PSD: variants seen among roughly 807,000 people sequenced by gnomAD.
PSD encodes the protein pleckstrin and Sec7 domain containing.
Under a neutral mutation model 91.6 loss-of-function variants are expected in PSD, and 32 were observed. The ratio of observed to expected loss-of-function variants is 0.35; its 90% CI spans 0.26 to 0.47. The LOEUF is 0.47. PSD is among the 20% of genes least tolerant of loss of function. The pLI, the probability that PSD is intolerant of heterozygous loss-of-function variation, is 1.00. For synonymous variants in PSD, 532 were observed against 569.3 expected, an observed-to-expected ratio of 0.93 and a Z score of 0.93; for missense variants, 1,099 against 1,373.9, an observed-to-expected ratio of 0.80 and a Z score of 3.16.
rs2061340049 is a variant in PSD at position 102,404,687 on chromosome 10, C to A, written c.2596G>T (p.Val866Leu). The A allele has an allele frequency of 6.2e-7, 1 of 1,604,056 alleles. No homozygotes were observed. Among genetic ancestry groups the A allele is most frequent in the African/African-American group, 1.3e-5 (1 of 74,806 alleles). ...GGCGCAGAGAACATAGCGGCTACTA[C>A]ATTGATGCGAGTGATCCAGGACTGC... is the stretch of plus-strand genomic sequence containing the variant. ...QMQSWITRIN[V>L]VAAMFSAPPF... Residue 866 changes from valine to leucine, a missense_variant, in exon 15 of 17, where the codon GTA becomes TTA. Physicochemically the swap from Val to Leu is conservative, Grantham distance 32. Around this residue, in one of 3 missense-constraint regions of PSD, gnomAD observed 358 missense variants for 426.5 expected, o/e 0.84. Coordinates refer to ENST00000020673, the MANE Select transcript of PSD (RefSeq NM_002779.5). The surrounding 1 kb of genome is among the most constrained non-coding windows in gnomAD (Gnocchi z 5.7).
chr10:102,403,554 G>T lies in PSD; in HGVS notation c.2845-124C>A. The T allele has an allele frequency of 1.0e-6, 1 of 957,014 alleles. No individual in the cohort carries two copies. The highest frequency in any genetic ancestry group is 1.5e-6 in the Non-Finnish European group (1 of 656,204). The allele number at this position is 957,014 out of a possible 1,614,324, so 59.3% of individuals were successfully genotyped here. On this transcript the variant is annotated intron_variant, in intron 16 of 16. Coordinates refer to ENST00000020673, the MANE Select transcript of PSD (RefSeq NM_002779.5). The surrounding 1 kb of genome is among the most constrained non-coding windows in gnomAD (Gnocchi z 6.7). ...AGGTGCCCACCCAGGACTGTGAGATGGTCCCATGCGGGCTGGTGCCCCCTC... is the reference window on the plus strand; with the variant it reads ...AGGTGCCCACCCAGGACTGTGAGATTGTCCCATGCGGGCTGGTGCCCCCTC...
chr10:102,414,187 G>A lies in PSD; in HGVS notation c.1135C>T (p.Arg379Trp), dbSNP rs142069041. 3.7e-5 allele frequency: 59 copies of A among 1,607,114 alleles called. No individual in the cohort carries two copies. Among genetic ancestry groups the A allele is most frequent in the Admixed American group, 2.0e-4 (12 of 59,270 alleles). ...GGCACAGGTGACTTGAGAGGCATCC[G>A]GCTCCCTGGCCTGCAGGGGCAGGGA... ...EASEGARPGS[R>W]MPLKSPVPFL... Residue 379 changes from arginine to tryptophan, a missense_variant, in exon 5 of 17, where the codon CGG becomes TGG. This residue lies in a region of PSD where 631 missense variants were observed against 728.8 expected (regional missense o/e 0.87). Transcript: ENST00000020673. The surrounding 1 kb of genome is among the most constrained non-coding windows in gnomAD (Gnocchi z 5.6).
intron 10 of PSD, chr10:102,408,898 C>G: frequency 1.0e-6 from 1 of 987,434 alleles, no homozygotes; most frequent in Non-Finnish European, 1.2e-6. Flanking sequence ...CCCTCACCGC[C>G]TTTTTCTTCT....
At position 102,417,077 on chromosome 10, in the gene PSD, G is replaced by A. The variant is rs773366006; in HGVS notation, c.-39C>T. The A allele has an allele frequency of 1.3e-4, 172 of 1,289,350 alleles. No individual in the cohort carries two copies. The highest frequency in any genetic ancestry group is 1.8e-4 in the Non-Finnish European group (169 of 936,124). The allele number at this position is 1,289,350 out of a possible 1,614,324, so 79.9% of individuals were successfully genotyped here. On this transcript the variant is annotated 5_prime_UTR_variant, in exon 2 of 17. Coordinates refer to ENST00000020673, the MANE Select transcript of PSD (RefSeq NM_002779.5). Reference sequence around the variant, plus strand: ...GTCAGGCTGGGGGGGCAGGGATGGCGAGGCCAGGCGGGGAGTAAGGGGGCT... The same window carrying A: ...GTCAGGCTGGGGGGGCAGGGATGGCAAGGCCAGGCGGGGAGTAAGGGGGCT...
In PSD at chr10:102,403,521, A is replaced by T; in HGVS notation, c.2845-91T>A. The T allele has an allele frequency of 7.9e-7, 1 of 1,272,938 alleles. No individual in the cohort carries two copies. Among genetic ancestry groups the T allele is most frequent in the South Asian group, 1.4e-5 (1 of 69,780 alleles). The allele number at this position is 1,272,938 out of a possible 1,614,324, so 78.9% of individuals were successfully genotyped here. Reference sequence around the variant, plus strand: ...CCAGGGAGGGCCGCCAGCAGGGCAGAAGATGGCAGGTGCCCACCCAGGACT... The same window carrying T: ...CCAGGGAGGGCCGCCAGCAGGGCAGTAGATGGCAGGTGCCCACCCAGGACT... On this transcript the variant is annotated intron_variant, in intron 16 of 16. Coordinates refer to ENST00000020673, the MANE Select transcript of PSD (RefSeq NM_002779.5). The surrounding 1 kb of genome is among the most constrained non-coding windows in gnomAD (Gnocchi z 6.7).
At position 102,410,836 on chromosome 10, in the gene PSD, T is replaced by G. The variant is rs1177736467; in HGVS notation, c.2091+22A>C. The G allele has an allele frequency of 1.1e-5, 18 of 1,598,410 alleles. No homozygotes were observed. Among genetic ancestry groups the G allele is most frequent in the Non-Finnish European group, 1.5e-5 (18 of 1,166,790 alleles). Reference sequence around the variant, plus strand: ...CCTCCATCCTTCCCCTCCAGCGACTTCTACCCTGCCCCGCCCCCCACCTTG... The same window carrying G: ...CCTCCATCCTTCCCCTCCAGCGACTGCTACCCTGCCCCGCCCCCCACCTTG... On this transcript the variant is annotated intron_variant, in intron 10 of 16. Transcript: ENST00000020673. This position sits in a 1 kb window ranked among gnomAD's most constrained non-coding sequence, Gnocchi z 6.0.
rs1018119095 is a variant in PSD at position 102,403,753 on chromosome 10, C to A, written c.2844+89G>T. 35 of 1,483,352 alleles carry A rather than the reference C, an allele frequency of 2.4e-5. No individual in the cohort carries two copies. The highest frequency in any genetic ancestry group is 3.1e-5 in the Non-Finnish European group (34 of 1,108,398). The allele number at this position is 1,483,352 out of a possible 1,614,324, so 91.9% of individuals were successfully genotyped here. A position where few individuals can be genotyped will look rare whatever the true frequency, so the allele number is the denominator to read the frequency against. ...TTAGGTTAAGCAACCTGCCCAAGGA[C>A]CTCCGGCCGGTTCCACTGTTAGAGT... On this transcript the variant is annotated intron_variant, in intron 16 of 16. Coordinates refer to ENST00000020673, the MANE Select transcript of PSD (RefSeq NM_002779.5). This position sits in a 1 kb window ranked among gnomAD's most constrained non-coding sequence, Gnocchi z 6.7.
At position 102,414,017 on chromosome 10, in the gene PSD, G is replaced by C; in HGVS notation, c.1305C>G (p.Thr435=). 2 of 1,614,028 alleles carry C rather than the reference G, an allele frequency of 1.2e-6. No individual in the cohort carries two copies. The highest frequency in any genetic ancestry group is 1.7e-6 in the Non-Finnish European group (2 of 1,179,878). The part of the protein sequence containing the change: ...SLEALASPGP[T]QSPFFTFELP... The stretch of plus-strand genomic sequence containing the variant: ...GCTCAAAGGTGAAGAAGGGGCTCTG[G>C]GTTGGGCCAGGTGAGGCCAAGGCCT... The change falls in exon 5 of 17, where the codon ACC becomes ACG. Residue 435 remains threonine (T), a synonymous_variant. Coordinates refer to ENST00000020673, the MANE Select transcript of PSD (RefSeq NM_002779.5). The surrounding 1 kb of genome is among the most constrained non-coding windows in gnomAD (Gnocchi z 5.6).
In PSD at chr10:102,404,075, G is replaced by A. The variant is rs1480650040; in HGVS notation, c.2701-90C>T. On this transcript the variant is annotated intron_variant, in intron 15 of 16. Coordinates refer to ENST00000020673, the MANE Select transcript of PSD (RefSeq NM_002779.5). This position sits in a 1 kb window ranked among gnomAD's most constrained non-coding sequence, Gnocchi z 5.7. The stretch of plus-strand genomic sequence containing the variant: ...AAAAAGATACCCCTTCCAGCCGGGC[G>A]CGGTGGCTCACGCCTGTAATCCCAG... The A allele has an allele frequency of 3.8e-5, 54 of 1,427,088 alleles. No homozygotes were observed. The highest frequency in any genetic ancestry group is 1.5e-4 in the East Asian group (6 of 39,500). 88.4% of individuals were successfully genotyped at this position (1,427,088 alleles called of 1,614,324 possible).
At position 102,409,855 on chromosome 10, in the gene PSD, A is replaced by C. The variant is rs763211687; in HGVS notation, c.2091+1003T>G. ...GCATACCTCAGACACGGCCAATTCG[A>C]AGATGTAAACCCCACCACACATAAA... On this transcript the variant is annotated intron_variant, in intron 10 of 16. Transcript: ENST00000020673. This position sits in a 1 kb window ranked among gnomAD's most constrained non-coding sequence, Gnocchi z 5.7. Among the ~76,000 whole-genome samples the C allele has an allele frequency of 6.6e-6, 1 of 152,116 alleles. No individual in the cohort carries two copies. The highest frequency in any genetic ancestry group is 6.5e-5 in the Admixed American group (1 of 15,270).
In PSD at chr10:102,404,678, C is replaced by T; in HGVS notation, c.2605G>A (p.Ala869Thr). The T allele has an allele frequency of 6.2e-7, 1 of 1,608,192 alleles. No individual in the cohort carries two copies. Among genetic ancestry groups the T allele is most frequent in the Non-Finnish European group, 8.5e-7 (1 of 1,176,830 alleles). The change falls in exon 15 of 17, where the codon GCT becomes ACT. Residue 869 changes from alanine to threonine, a missense_variant. Around this residue, in one of 3 missense-constraint regions of PSD, gnomAD observed 358 missense variants for 426.5 expected, o/e 0.84. Transcript: ENST00000020673. The surrounding 1 kb of genome is among the most constrained non-coding windows in gnomAD (Gnocchi z 5.7). ...GGGAAGGGGGGCGCAGAGAACATAGCGGCTACTACATTGATGCGAGTGATC... is the reference window on the plus strand; with the variant it reads ...GGGAAGGGGGGCGCAGAGAACATAGTGGCTACTACATTGATGCGAGTGATC... ...SWITRINVVA[A>T]MFSAPPFPAA...
At position 102,405,239 on chromosome 10, in the gene PSD, G is replaced by A. The variant is rs748665500; in HGVS notation, c.2341C>T (p.Arg781Trp). 7 of 1,610,692 alleles carry A rather than the reference G, an allele frequency of 4.3e-6. No individual in the cohort carries two copies. The highest frequency in any genetic ancestry group is 5.1e-6 in the Non-Finnish European group (6 of 1,179,842). Residue 781 changes from arginine to tryptophan, a missense_variant, in exon 13 of 17, where the codon CGG becomes TGG. Coordinates refer to ENST00000020673, the MANE Select transcript of PSD (RefSeq NM_002779.5). This position sits in a 1 kb window ranked among gnomAD's most constrained non-coding sequence, Gnocchi z 5.4. Reference sequence around the variant, plus strand: ...ATCCCGTGGAAGCTCTTCCAGCCCCGCTTGCCCCGAGGTGCTGCGGGGAGA... The same window carrying A: ...ATCCCGTGGAAGCTCTTCCAGCCCCACTTGCCCCGAGGTGCTGCGGGGAGA... ...PDCRKTPRGK[R>W]GWKSFHGILK...
upstream of PSD, chr10:102,419,936 G>A (rs2061538155): frequency 1.8e-5 from 5 of 279,596 alleles, no homozygotes; most frequent in South Asian, 1.4e-4. The surrounding 1 kb of genome is among the most constrained non-coding windows in gnomAD (Gnocchi z 4.8). Context: ...TGCCTTGCGG[G>A]GTGGGGAAAC....
rs1446004034 is a variant in PSD at position 102,418,782 on chromosome 10, G to A, written c.-165C>T. On this transcript the variant is annotated 5_prime_UTR_variant, in exon 1 of 17. The change creates a new upstream start codon in the 5' untranslated region. Coordinates refer to ENST00000020673, the MANE Select transcript of PSD (RefSeq NM_002779.5). ...GAGCTGTGAAGGCAGCGCGGCTCCC[G>A]TTTGCTCCAGGCCCGCCCGCCTCTC... is the stretch of plus-strand genomic sequence containing the variant. 11 of 454,874 alleles carry A rather than the reference G, an allele frequency of 2.4e-5. No individual in the cohort carries two copies. Among genetic ancestry groups the A allele is most frequent in the Non-Finnish European group, 3.5e-5 (8 of 226,352 alleles). 28.2% of individuals were successfully genotyped at this position (454,874 alleles called of 1,614,324 possible). A position where few individuals can be genotyped will look rare whatever the true frequency, so the allele number is the denominator to read the frequency against.
At position 102,404,659 on chromosome 10, in the gene PSD, G is replaced by T. The variant is rs1396443093; in HGVS notation, c.2624C>A (p.Pro875His). ...NVVAAMFSAP[P>H]FPAAVSSQKK... ...TTGGGAGCTAACAGCAGCTGGGAAG[G>T]GGGGCGCAGAGAACATAGCGGCTAC... The change falls in exon 15 of 17, where the codon CCC becomes CAC. Residue 875 changes from proline to histidine, a missense_variant. Pro to His is a moderately conservative substitution (Grantham distance 77, BLOSUM62 -2). Coordinates refer to ENST00000020673, the MANE Select transcript of PSD (RefSeq NM_002779.5). This position sits in a 1 kb window ranked among gnomAD's most constrained non-coding sequence, Gnocchi z 5.7. 2 of 1,611,844 alleles carry T rather than the reference G, an allele frequency of 1.2e-6. No individual in the cohort carries two copies. Among genetic ancestry groups the T allele is most frequent in the South Asian group, 1.1e-5 (1 of 90,696 alleles).
At position 102,415,906 on chromosome 10, in the gene PSD, A is replaced by G. The variant is rs914265353; in HGVS notation, c.757+111T>C. The stretch of plus-strand genomic sequence containing the variant: ...GGCCTGGGGAGACATTGGCTGACTC[A>G]AGAGCCAATTCCAAGGATTGGGGGA... On this transcript the variant is annotated intron_variant, in intron 3 of 16. Coordinates refer to ENST00000020673, the MANE Select transcript of PSD (RefSeq NM_002779.5). 1.2e-5 allele frequency: 9 copies of G among 753,546 alleles called. No individual in the cohort carries two copies. In the South Asian group the frequency reaches 1.5e-4, roughly 12 times the overall value. 46.7% of individuals were successfully genotyped at this position (753,546 alleles called of 1,614,324 possible). A position where few individuals can be genotyped will look rare whatever the true frequency, so the allele number is the denominator to read the frequency against.
At chr10:102,417,173 T>C (rs1171561772) in intron 1 of PSD, 52 bp from the exon 2 acceptor site, 14 of 608,940 alleles carry the variant, frequency 2.3e-5, no homozygotes, top group East Asian at 1.7e-4. Context: ...GTTAGATGGA[T>C]AGGACAGCAG....
chr10:102,406,201 T>A (rs2061358966), intron 11 of PSD: 1 of 152,534 alleles, frequency 6.6e-6, no homozygotes, highest in Non-Finnish European at 1.5e-5. Flanking sequence ...TCCCCTTTCC[T>A]CTTCCCAAAT....
chr10:102,409,336 G>A lies in PSD; in HGVS notation c.2091+1522C>T. 1.0e-6 allele frequency: 1 copy of A among 985,294 alleles called. No individual in the cohort carries two copies. The highest frequency in any genetic ancestry group is 1.2e-6 in the Non-Finnish European group (1 of 829,672). The allele number at this position is 985,294 out of a possible 1,614,324, so 61.0% of individuals were successfully genotyped here. A position where few individuals can be genotyped will look rare whatever the true frequency, so the allele number is the denominator to read the frequency against. On this transcript the variant is annotated intron_variant, in intron 10 of 16. Coordinates refer to ENST00000020673, the MANE Select transcript of PSD (RefSeq NM_002779.5). The surrounding 1 kb of genome is among the most constrained non-coding windows in gnomAD (Gnocchi z 5.7). ...GGGAAAGGGAGGGCGAGGGCTGGGG[G>A]CGGGGACCGCATGAAATGGAGGCGC...
Sources: allele counts gnomAD v4.1 joint callset (sites outside exome capture counted in the v4.1 genomes callset), GRCh38; gene constraint gnomAD v4.1.1; regional missense constraint gnomAD v4.1.1; non-coding constraint Gnocchi (gnomAD v3.1); transcripts MANE v1.5; gene names NCBI Gene and HGNC (gene_info 2026-07-23, HGNC 2026-07-21).